Variants in ADAMTS12 observed in about 807,000 individuals in gnomAD.
The protein encoded by ADAMTS12 is A disintegrin and metalloproteinase with thrombospondin motifs 12.
In ADAMTS12, 118 loss-of-function variants were observed where a neutral mutation model predicts 167.8. The observed-to-expected ratio is 0.70, with a 90% CI of 0.61 to 0.82. The LOEUF (loss-of-function observed/expected upper bound fraction) is 0.82. ADAMTS12 is among the 40% of genes least tolerant of loss of function. The pLI is 0.00. For synonymous variants in ADAMTS12, 704 were observed against 716.9 expected (o/e 0.98, Z 0.29); for missense variants, 1,916 against 1,998.8 (o/e 0.96, Z 0.79).
At chr5:33,645,240 A>T (rs1166483907) in intron 9 of ADAMTS12, among the ~76,000 whole-genome samples, 1 of 151,974 alleles carries the variant, frequency 6.6e-6, no homozygotes, top group African/African-American at 2.4e-5. Flanking sequence ...GATTAGCATG[A>T]GCATGGCCTG....
At chr5:33,544,675 A>C (rs959049908) in intron 22 of ADAMTS12, among the ~76,000 whole-genome samples, 2 of 151,998 alleles carry the variant, frequency 1.3e-5, no homozygotes, top group African/African-American at 4.8e-5. Context: ...TATAGACCAA[A>C]AGAACAGAAC....
At chr5:33,661,570 AAC>A (rs1410232261) in intron 6 of ADAMTS12, among the ~76,000 whole-genome samples, 2 of 152,240 alleles carry the variant, frequency 1.3e-5, no homozygotes, top group African/African-American at 2.4e-5. Flanking sequence ...GGTTAAAAGT[AAC>A]AAGAGTCTTT....
intron 3 of ADAMTS12, among the ~76,000 whole-genome samples, chr5:33,750,407 G>A (rs1004494920): frequency 6.6e-6 from 1 of 152,220 alleles, no homozygotes; most frequent in Non-Finnish European, 1.5e-5. Context: ...GGTGAAGTCT[G>A]TAGAGAAGTT....
intron 7 of ADAMTS12, among the ~76,000 whole-genome samples, chr5:33,655,356 C>T (rs559224397): frequency 6.6e-6 from 1 of 152,190 alleles, no homozygotes; most frequent in South Asian, 2.1e-4. Flanking sequence ...TAACCAACAA[C>T]TTAAGGGTGT....
chr5:33,731,092 C>T (rs990671019), intron 3 of ADAMTS12, among the ~76,000 whole-genome samples: 2 of 152,104 alleles, frequency 1.3e-5, no homozygotes, highest in Non-Finnish European at 2.9e-5. Flanking sequence ...GGATTTAGCT[C>T]AATGTCATGC....
At chr5:33,803,805 T>C (rs1561280799) in intron 2 of ADAMTS12, among the ~76,000 whole-genome samples, 1 of 152,098 alleles carries the variant, frequency 6.6e-6, no homozygotes, top group African/African-American at 2.4e-5. Context: ...TCAAATCTCA[T>C]GAGACTTATT....
chr5:33,579,272 T>C (rs1419427086), intron 18 of ADAMTS12, among the ~76,000 whole-genome samples: 1 of 152,242 alleles, frequency 6.6e-6, no homozygotes, highest in Non-Finnish European at 1.5e-5. Context: ...CAGTTTTGTA[T>C]GTGTGAACAC....
At position 33,854,769 on chromosome 5, in the gene ADAMTS12, C is replaced by T. The variant is rs555076859; in HGVS notation, c.489+26350G>A. Among the ~76,000 whole-genome samples the T allele has an allele frequency of 1.1e-4, 17 of 152,234 alleles. No homozygotes were observed. In the South Asian group the frequency reaches 2.3e-3, roughly 20 times the overall value. Reference sequence around the variant, plus strand: ...AGGCTGCAGCACAAAGCACTGATAGCGACAGGAGGAATTTCCGCCAGCCAG... The same window carrying T: ...AGGCTGCAGCACAAAGCACTGATAGTGACAGGAGGAATTTCCGCCAGCCAG... On this transcript the variant is annotated intron_variant, in intron 2 of 23. Transcript: ENST00000504830.
chr5:33,637,619 A>C lies in ADAMTS12; in HGVS notation c.1846T>G (p.Tyr616Asp). 1 of 1,613,616 alleles carries C rather than the reference A, an allele frequency of 6.2e-7. No homozygotes were observed. Residue 616 changes from tyrosine (Y) to aspartate (D), a missense_variant, in exon 12 of 24, where the codon TAC becomes GAC. Transcript: ENST00000504830. Reference sequence around the variant, plus strand: ...AACCAGTGGTAGAGTTCATTCTTGTAGGGAACAGTGTCAAATTCACTGCAC... The same window carrying C: ...AACCAGTGGTAGAGTTCATTCTTGTCGGGAACAGTGTCAAATTCACTGCAC... Reference protein sequence around the residue: ...MQCSEFDTVPYKNELYHWFPI... With the variant: ...MQCSEFDTVPDKNELYHWFPI...
intron 2 of ADAMTS12, among the ~76,000 whole-genome samples, chr5:33,856,722 A>G (rs989141087): frequency 2.6e-5 from 4 of 152,242 alleles, no homozygotes; most frequent in African/African-American, 9.6e-5. Context: ...CACCTGTCAG[A>G]ATGGCTATTA....
chr5:33,571,051 C>A (rs548751318), intron 19 of ADAMTS12, among the ~76,000 whole-genome samples: 1 of 152,018 alleles, frequency 6.6e-6, no homozygotes, highest in Non-Finnish European at 1.5e-5. Context: ...GCTAACTATC[C>A]GAAATATATA....
At chr5:33,663,028 C>T (rs944891503) in intron 5 of ADAMTS12, among the ~76,000 whole-genome samples, 1 of 152,170 alleles carries the variant, frequency 6.6e-6, no homozygotes, top group Non-Finnish European at 1.5e-5. Flanking sequence ...GGCCCACACC[C>T]AAATCATAAA....
intron 3 of ADAMTS12, among the ~76,000 whole-genome samples, chr5:33,696,038 A>C (rs1482933114): frequency 7.0e-6 from 1 of 142,758 alleles, no homozygotes; most frequent in Non-Finnish European, 1.5e-5. Context: ...TCACTGATTC[A>C]CAGTCACTAA....
chr5:33,596,025 CCTT>C lies in ADAMTS12; in HGVS notation c.2560_2562del (p.Lys854del), dbSNP rs752814262. ...AATGTAGCTTTCACCATCCCGCGGC[CCTT>C]CTTTATGCAATGGGCAGTTTGGCGG... On this transcript the variant is annotated inframe_deletion, in exon 17 of 24. Coordinates refer to ENST00000504830, the MANE Select transcript of ADAMTS12 (RefSeq NM_030955.4). 24 of 1,613,904 alleles carry C rather than the reference CCTT, an allele frequency of 1.5e-5. No homozygotes were observed. The highest frequency in any genetic ancestry group is 6.7e-5 in the Admixed American group (4 of 59,986).
intron 23 of ADAMTS12, among the ~76,000 whole-genome samples, chr5:33,527,974 AG>A (rs1211604515): frequency 6.6e-6 from 1 of 152,122 alleles, no homozygotes; most frequent in Non-Finnish European, 1.5e-5. Flanking sequence ...GCATGTTTAT[AG>A]CAGCACAATT....
chr5:33,699,412 T>TAA (rs1345771047), intron 3 of ADAMTS12, among the ~76,000 whole-genome samples: 1 of 151,726 alleles, frequency 6.6e-6, no homozygotes, highest in Admixed American at 6.6e-5. Context: ...ATATAAAAAT[T>TAA]AACTCAAAAT....
At chr5:33,550,908 G>A in intron 20 of ADAMTS12, among the ~76,000 whole-genome samples, 1 of 152,144 alleles carries the variant, frequency 6.6e-6, no homozygotes, top group East Asian at 1.9e-4. Context: ...GAAAATGCCA[G>A]CTGGGAGGGC....
chr5:33,782,727 G>A (rs910123074), intron 2 of ADAMTS12, among the ~76,000 whole-genome samples: 31 of 151,860 alleles, frequency 2.0e-4, no homozygotes, highest in Non-Finnish European at 3.8e-4. Flanking sequence ...TAAATATATC[G>A]AGAAGATATA....
At position 33,576,566 on chromosome 5, in the gene ADAMTS12, C is replaced by A. The variant is rs751572467; in HGVS notation, c.3460G>T (p.Glu1154Ter). The part of the protein sequence containing the change: ...YNTLTKGPEM[E>*]IHSGSGEERE... ...TCTTCCCCTGAGCCACTGTGAATCTCCATTTCTGGACCTTTGGTCAAGGTA... is the reference window on the plus strand; with the variant it reads ...TCTTCCCCTGAGCCACTGTGAATCTACATTTCTGGACCTTTGGTCAAGGTA... Residue 1154 changes from glutamate (E) to a stop codon, truncating the protein, a stop_gained, in exon 19 of 24, where the codon GAG becomes TAG. Transcript: ENST00000504830. LOFTEE classifies it high-confidence loss of function. The A allele has an allele frequency of 6.2e-7, 1 of 1,614,154 alleles. No homozygotes were observed. Among genetic ancestry groups the A allele is most frequent in the Non-Finnish European group, 8.5e-7 (1 of 1,180,016 alleles).
Sources: allele counts gnomAD v4.1 joint callset (sites outside exome capture counted in the v4.1 genomes callset), GRCh38; gene constraint gnomAD v4.1.1; transcripts MANE v1.5; gene names NCBI Gene and HGNC (gene_info 2026-07-23, HGNC 2026-07-21).